Variants in REPS2 observed in about 807,000 individuals in gnomAD.
REPS2 encodes RALBP1 associated Eps domain containing 2, also known as ralBP1-associated Eps domain-containing protein 2.
REPS2 carries 23 observed loss-of-function variants against 53.6 expected under a neutral mutation model. The ratio of observed to expected loss-of-function variants is 0.43; its 90% CI spans 0.31 to 0.61. REPS2 has a LOEUF of 0.61. Among genes scored for constraint, REPS2 ranks in the 20% least tolerant of loss-of-function variants. REPS2 has a pLI of 0.11. For synonymous variants in REPS2, 238 were observed against 218.6 expected, an observed-to-expected ratio of 1.09 and a Z score of -0.78; for missense variants, 446 against 534.9, an observed-to-expected ratio of 0.83 and a Z score of 1.64.
intron 8 of REPS2, among the ~76,000 whole-genome samples, chrX:17,057,540 A>G (rs1162746598): frequency 8.9e-6 from 1 of 112,509 alleles, no homozygotes; most frequent in Non-Finnish European, 1.9e-5. Flanking sequence ...TTTGCTAACA[A>G]TACCTGCTTT....
the REPS2 span, among the ~76,000 whole-genome samples, chrX:17,162,325 A>G: frequency 1.8e-5 from 2 of 112,776 alleles, no homozygotes; most frequent in African/African-American, 6.4e-5. Flanking sequence ...TGGCTGCCTG[A>G]GGCAGTGGTA....
chrX:17,014,046 A>G (rs141523753), intron 2 of REPS2, among the ~76,000 whole-genome samples: 105 of 111,674 alleles, frequency 9.4e-4, no homozygotes, highest in African/African-American at 3.2e-3. Context: ...TTGACAATCT[A>G]GTAAAAGCTC....
At chrX:16,968,392 G>A (rs1249399804) in intron 1 of REPS2, among the ~76,000 whole-genome samples, 2 of 111,998 alleles carry the variant, frequency 1.8e-5, no homozygotes, top group Admixed American at 9.3e-5. Flanking sequence ...CGGGCAGAGG[G>A]GCTCCTCACT....
chrX:17,111,992 A>G (rs200196447), intron 14 of REPS2, among the ~76,000 whole-genome samples: 1 of 109,889 alleles, frequency 9.1e-6, no homozygotes, highest in East Asian at 2.9e-4. Context: ...TTTTTGAGAC[A>G]GGGTCTCGCT....
intron 14 of REPS2, among the ~76,000 whole-genome samples, chrX:17,131,755 C>T (rs1005353173): frequency 7.2e-5 from 8 of 111,211 alleles, no homozygotes; most frequent in Non-Finnish European, 1.1e-4. Context: ...TTGGCACCCA[C>T]TCTGTCTTGA....
rs766834112 is a variant in REPS2, at chrX:17,022,723, C to T, written c.546+452C>T. 3.6e-5 allele frequency among the ~76,000 whole-genome samples: 4 copies of T among 112,175 alleles called. No homozygotes were observed. In the East Asian group the frequency reaches 8.4e-4, roughly 24 times the overall value. On this transcript the variant is annotated intron_variant, in intron 3 of 17. Transcript: ENST00000357277. ...GACTAAATCCTCAGTCTTGGAAATT[C>T]GTAGTGCACATTAGCACGGTAAAAG...
intron 11 of REPS2, among the ~76,000 whole-genome samples, chrX:17,071,396 A>G (rs2062302739): frequency 9.2e-6 from 1 of 108,584 alleles, no homozygotes; most frequent in South Asian, 4.1e-4. Context: ...TTTTAGCACA[A>G]GATCAAGTGT....
At chrX:17,155,101 A>T (rs1049273391), downstream of REPS2, among the ~76,000 whole-genome samples, 1 of 112,293 alleles carries the variant, frequency 8.9e-6, no homozygotes, top group African/African-American at 3.2e-5. Context: ...CTTATAACAG[A>T]ATACCCAAAA....
At chrX:17,154,227 CA>C (rs1302058682), downstream of REPS2, among the ~76,000 whole-genome samples, 3 of 112,179 alleles carry the variant, frequency 2.7e-5, no homozygotes, top group Non-Finnish European at 5.6e-5. Context: ...TGATTCAGAG[CA>C]AAGGCTAATT....
At chrX:17,186,619 G>A in the REPS2 span, among the ~76,000 whole-genome samples, 2 of 111,929 alleles carry the variant, frequency 1.8e-5, no homozygotes, top group African/African-American at 6.5e-5. Flanking sequence ...TTATCACCAG[G>A]CTTTACATGT....
chrX:17,132,091 C>T (rs1341025892), intron 14 of REPS2, among the ~76,000 whole-genome samples: 1 of 111,570 alleles, frequency 9.0e-6, no homozygotes, highest in Admixed American at 9.5e-5. Flanking sequence ...CATTTGGTAC[C>T]CTGAAGAGGG....
chrX:17,183,019 TA>T, the REPS2 span, among the ~76,000 whole-genome samples: 1 of 111,524 alleles, frequency 9.0e-6, no homozygotes, highest in Admixed American at 9.5e-5. Flanking sequence ...AATTAACTTC[TA>T]AAAAAAATAA....
intron 2 of REPS2, among the ~76,000 whole-genome samples, chrX:17,012,372 C>T (rs2061439688): frequency 1.2e-5 from 1 of 84,019 alleles, no homozygotes; most frequent in Non-Finnish European, 2.2e-5. Flanking sequence ...GAGCGAGATG[C>T]CATCTCAAAA....
At chrX:16,977,818 C>T (rs1325238395) in intron 1 of REPS2, among the ~76,000 whole-genome samples, 1 of 110,848 alleles carries the variant, frequency 9.0e-6, no homozygotes, top group Non-Finnish European at 1.9e-5. Flanking sequence ...CTTAGGATAA[C>T]CATTTTCATA....
intron 13 of REPS2, among the ~76,000 whole-genome samples, chrX:17,091,917 A>G (rs2062620909): frequency 8.9e-6 from 1 of 112,475 alleles, no homozygotes; most frequent in Non-Finnish European, 1.9e-5. Flanking sequence ...AAAGCTTTGC[A>G]TGTGGCTCTT....
chrX:16,961,731 C>T (rs768402794), intron 1 of REPS2, among the ~76,000 whole-genome samples: 3 of 111,766 alleles, frequency 2.7e-5, no homozygotes, highest in African/African-American at 6.5e-5. Flanking sequence ...AAAATATTTG[C>T]GACCCATATA....
At chrX:16,986,817 C>T (rs1387945346) in intron 1 of REPS2, among the ~76,000 whole-genome samples, 1 of 110,844 alleles carries the variant, frequency 9.0e-6, no homozygotes, top group Non-Finnish European at 1.9e-5. Flanking sequence ...TTACTCAGTC[C>T]CCAGCAAACT....
intron 1 of REPS2, among the ~76,000 whole-genome samples, chrX:16,997,073 T>A (rs898820056): frequency 8.9e-6 from 1 of 112,353 alleles, no homozygotes; most frequent in African/African-American, 3.2e-5. Flanking sequence ...CAGAACCAGT[T>A]AAAGCTTTAT....
chrX:17,019,061 C>T (rs1422787608), intron 2 of REPS2, among the ~76,000 whole-genome samples: 1 of 111,392 alleles, frequency 9.0e-6, no homozygotes, highest in African/African-American at 3.3e-5. Flanking sequence ...CCCACCTCGG[C>T]CTCCCAAAGT....
Sources: gnomAD v4.1 joint callset for allele counts (sites outside exome capture counted in the v4.1 genomes callset) on GRCh38, gnomAD v4.1.1 for gene constraint, MANE v1.5 for transcripts, NCBI Gene and HGNC (gene_info 2026-07-23, HGNC 2026-07-21) for gene names.